The following TEDC1 variants were observed in gnomAD, a reference collection of about 807,000 sequenced individuals.
The protein encoded by TEDC1 is tubulin epsilon and delta complex 1, also known as tubulin epsilon and delta complex protein 1.
In TEDC1, 54 loss-of-function variants were observed where a neutral mutation model predicts 59.9. That is an observed-to-expected ratio of 0.90 (90% CI 0.72 to 1.13). TEDC1 has a LOEUF of 1.13. Among genes scored for constraint, TEDC1 ranks in the 50% most tolerant of loss-of-function variants. The pLI, the probability that TEDC1 is intolerant of heterozygous loss-of-function variation, is 0.00. For synonymous variants in TEDC1, 353 were observed against 298.1 expected, an observed-to-expected ratio of 1.18 and a Z score of -1.90; for missense variants, 734 against 683.4, an observed-to-expected ratio of 1.07 and a Z score of -0.83.
At position 105,491,369 on chromosome 14, in the gene TEDC1, T is replaced by C. The variant is rs1300918582; in HGVS notation, c.-7T>C. ...CGGGCGATCCGAAAGAGGCTGGTGC[T>C]GGCTGCATGGGGAGGCGGCGGCAGC... On this transcript the variant is annotated 5_prime_UTR_variant, in exon 1 of 9. Coordinates refer to ENST00000392523, the MANE Select transcript of TEDC1 (RefSeq NM_001367178.1). 7.0e-7 allele frequency: 1 copy of C among 1,436,292 alleles called. No homozygotes were observed. Among genetic ancestry groups the C allele is most frequent in the Admixed American group, 2.9e-5 (1 of 34,972 alleles). 89.0% of individuals were successfully genotyped at this position (1,436,292 alleles called of 1,614,324 possible). A position where few individuals can be genotyped will look rare whatever the true frequency, so the allele number is the denominator to read the frequency against.
chr14:105,496,111 A>T, intron 6 of TEDC1, 25 bp downstream of exon 6: 1 of 634,320 alleles, frequency 1.6e-6, no homozygotes, highest in Non-Finnish European at 1.9e-6. Context: ...CTGGCAGGGA[A>T]GTGGAGACCG....
chr14:105,497,540 G>A (rs2084374772), intron 7 of TEDC1, 97 bp downstream of exon 7: 18 of 1,411,958 alleles, frequency 1.3e-5, no homozygotes, highest in Non-Finnish European at 1.5e-5. Flanking sequence ...CAGGAAGAGG[G>A]GCTTTTAGGG....
intron 3 of TEDC1, 99 bp from the exon 4 acceptor site, chr14:105,492,480 C>G (rs1405250670): frequency 1.4e-6 from 2 of 1,471,568 alleles, no homozygotes; most frequent in African/African-American, 2.8e-5. Flanking sequence ...CAGGGAGCAC[C>G]CGTTGTTTTT....
At chr14:105,496,413 G>A (rs587727120) in intron 6 of TEDC1, 7 of 317,124 alleles carry the variant, frequency 2.2e-5, no homozygotes, top group Non-Finnish European at 4.1e-5. Context: ...GCTCTGCTCC[G>A]CCCCAGAGGG....
chr14:105,491,793 G>T, intron 2 of TEDC1, 93 bp downstream of exon 2: 1 of 1,391,016 alleles, frequency 7.2e-7, no homozygotes, highest in South Asian at 1.3e-5. Context: ...CGCCCCGGCA[G>T]GCTCTAGCCC....
chr14:105,497,676 C>A, intron 7 of TEDC1, 122 bp from the exon 8 acceptor site: 1 of 1,298,840 alleles, frequency 7.7e-7, no homozygotes, highest in South Asian at 1.5e-5. Context: ...CTGGACGTCA[C>A]AGTTGCTGAG....
upstream of TEDC1, chr14:105,491,234 A>G (rs1179616547): frequency 1.9e-6 from 3 of 1,539,552 alleles, no homozygotes; most frequent in South Asian, 2.4e-5. Flanking sequence ...GGCCCGTGCC[A>G]TGATTGGGCT....
At chr14:105,498,224 C>G (rs1243460152) in intron 8 of TEDC1, among the ~76,000 whole-genome samples, 1 of 152,196 alleles carries the variant, frequency 6.6e-6, no homozygotes, top group Non-Finnish European at 1.5e-5. Context: ...GAGGGAAGCC[C>G]GTGCTGTGTG....
At position 105,498,965 on chromosome 14, in the gene TEDC1, T is replaced by A; in HGVS notation, c.*19T>A. On this transcript the variant is annotated 3_prime_UTR_variant, in exon 9 of 9. Coordinates refer to ENST00000392523, the MANE Select transcript of TEDC1 (RefSeq NM_001367178.1). ...ACGCTGAGGGCCTGTCGACGGGCCC[T>A]CGTGTGGGAAGCCTGCCCTGGCCCA... The A allele has an allele frequency of 6.3e-7, 1 of 1,581,588 alleles. No individual in the cohort carries two copies. The highest frequency in any genetic ancestry group is 1.8e-5 in the Admixed American group (1 of 56,904).
Position 105,498,827 on chromosome 14 carries a change from AGCCAGGAGGCCT to A in TEDC1, c.1373_1384del (p.Gln458_Cys461del). The A allele has an allele frequency of 1.2e-6, 2 of 1,606,370 alleles. No homozygotes were observed. Among genetic ancestry groups the A allele is most frequent in the Non-Finnish European group, 1.7e-6 (2 of 1,177,544 alleles). On this transcript the variant is annotated inframe_deletion, in exon 9 of 9. Transcript: ENST00000392523. ...AGCTGTGGTGATCAGGACGCTGAGGAGCCAGGAGGCCTGCCTGGAGGCGGTGCTACGTCGACT... is the reference window on the plus strand; with the variant it reads ...AGCTGTGGTGATCAGGACGCTGAGGAGCCTGGAGGCGGTGCTACGTCGACT...
chr14:105,498,996 G>A lies in TEDC1; in HGVS notation c.*50G>A, dbSNP rs782808993. The A allele has an allele frequency of 3.3e-6, 5 of 1,529,022 alleles. No individual in the cohort carries two copies. Among genetic ancestry groups the A allele is most frequent in the South Asian group, 2.5e-5 (2 of 79,508 alleles). The allele number at this position is 1,529,022 out of a possible 1,614,324, so 94.7% of individuals were successfully genotyped here. A position where few individuals can be genotyped will look rare whatever the true frequency, so the allele number is the denominator to read the frequency against. On this transcript the variant is annotated 3_prime_UTR_variant, in exon 9 of 9. Transcript: ENST00000392523. The stretch of plus-strand genomic sequence containing the variant: ...GGGAAGCCTGCCCTGGCCCAGCCTG[G>A]CTGGGTCTTGGAGGAGCAGATTCCA...
rs781978572 is a variant in TEDC1 at position 105,498,928 on chromosome 14, C to T, written c.1470C>T (p.Ile490=). ...GAGCCCGCCCTGGTCTCATCTGGAT[C>T]CCGCCACCTGGACGCTGAGGGCCTG... ...LVGARPGLIW[I]PPPGR The change falls in exon 9 of 9, where the codon ATC becomes ATT. Residue 490 remains isoleucine, a synonymous_variant. Transcript: ENST00000392523. 1.9e-6 allele frequency: 3 copies of T among 1,605,986 alleles called. 1 individual carries two copies. The highest frequency in any genetic ancestry group is 8.5e-7 in the Non-Finnish European group (1 of 1,176,328).
rs2084416953 is a variant in TEDC1, at chr14:105,499,224, C to T, written c.*278C>T. 1 of 536,176 alleles carries T rather than the reference C, an allele frequency of 1.9e-6. No homozygotes were observed. The highest frequency in any genetic ancestry group is 2.4e-5 in the South Asian group (1 of 42,416). 33.2% of individuals were successfully genotyped at this position (536,176 alleles called of 1,614,324 possible). ...CTCGGAAATAAATTGTAGCAGCTTT[C>T]CTGCCGCTGGCCCTCCCCCTGCCAC... On this transcript the variant is annotated 3_prime_UTR_variant, in exon 9 of 9. Transcript: ENST00000392523.
intron 6 of TEDC1, chr14:105,497,031 C>T: frequency 2.3e-6 from 1 of 441,836 alleles, no homozygotes; most frequent in Non-Finnish European, 4.0e-6. Flanking sequence ...CCTTGTTGGA[C>T]TGGCAGTGGG....
rs945041901 is a variant in TEDC1, at chr14:105,495,913, C to T, written c.718C>T (p.Leu240=). The T allele has an allele frequency of 8.4e-6, 13 of 1,550,202 alleles. No homozygotes were observed. In the South Asian group the frequency reaches 9.5e-5, roughly 11 times the overall value. ...SGAGAAQNLD[L]AYPKCLHSFC... is the part of the protein sequence containing the mutation. ...AGCGGGAGCTGCCCAAAACCTGGAC[C>T]TGGCCTACCCAAAGTGCCTGCACTC... The change falls in exon 6 of 9, where the codon CTG becomes TTG. Residue 240 remains leucine, a synonymous_variant. Transcript: ENST00000392523.
At chr14:105,490,181 G>C (rs2084176865), upstream of TEDC1, 1 of 152,112 alleles carries the variant, frequency 6.6e-6, no homozygotes, top group African/African-American at 2.4e-5. Flanking sequence ...CCCCGAGGCG[G>C]GGCCGGGAGG....
intron 6 of TEDC1, chr14:105,496,477 C>T: frequency 4.5e-6 from 1 of 220,068 alleles, no homozygotes; most frequent in Non-Finnish European, 9.1e-6. Context: ...CAGCCCACTG[C>T]TGGAGCCCCA....
At chr14:105,492,356 T>G in intron 3 of TEDC1, 47 bp downstream of exon 3, 1 of 1,590,034 alleles carries the variant, frequency 6.3e-7, no homozygotes, top group Non-Finnish European at 8.5e-7. Flanking sequence ...TCTCAACTCC[T>G]GGGGCCAGAG....
At chr14:105,491,976 C>T (rs1368306994) in intron 2 of TEDC1, 131 bp from the exon 3 acceptor site, 5 of 1,018,556 alleles carry the variant, frequency 4.9e-6, no homozygotes, top group African/African-American at 1.6e-5. Flanking sequence ...AGTTCTAGCT[C>T]TCCCACTATC....
Sources: gnomAD v4.1 joint callset for allele counts (sites outside exome capture counted in the v4.1 genomes callset) on GRCh38, gnomAD v4.1.1 for gene constraint, MANE v1.5 for transcripts, NCBI Gene and HGNC (gene_info 2026-07-23, HGNC 2026-07-21) for gene names.